ST14: variants seen among roughly 807,000 people sequenced by gnomAD.
The protein encoded by ST14 is ST14 transmembrane serine protease matriptase.
ST14 carries 40 observed loss-of-function variants against 96.5 expected under a neutral mutation model. The observed-to-expected ratio is 0.41, with a 90% confidence interval of 0.32 to 0.54. ST14 has a LOEUF of 0.54. Among genes scored for constraint, ST14 ranks in the 20% least tolerant of loss-of-function variants. ST14 has a pLI of 0.17. For synonymous variants in ST14, 506 were observed against 492.1 expected, an observed-to-expected ratio of 1.03 and a Z score of -0.37; for missense variants, 1,066 against 1,188.9, an observed-to-expected ratio of 0.90 and a Z score of 1.52.
At chr11:130,170,797 C>A (rs568376640) in intron 1 of ST14, among the ~76,000 whole-genome samples, 78 of 152,132 alleles carry the variant, frequency 5.1e-4, no homozygotes, top group South Asian at 1.2e-3. Flanking sequence ...CAGCAGGGGC[C>A]CGTCTCTTGG....
chr11:130,208,359 T>G (rs767423545), intron 16 of ST14, 51 bp from the exon 17 acceptor site: 5 of 1,613,166 alleles, frequency 3.1e-6, no homozygotes, highest in Admixed American at 1.7e-5. Context: ...CGCGAGGCCG[T>G]GTGCACAGAC....
Position 130,188,842 on chromosome 11 carries a change from T to C in ST14, c.370-27T>C, listed in dbSNP as rs760095884. 2.5e-6 allele frequency: 4 copies of C among 1,610,650 alleles called. No individual in the cohort carries two copies. Among genetic ancestry groups the C allele is most frequent in the Non-Finnish European group, 3.4e-6 (4 of 1,178,680 alleles). ...GGGCAGGGTCATCGCCGCATGGGGC[T>C]CACCTTGAGTCTCTGCCCTTCCTCA... On this transcript the variant is annotated intron_variant, in intron 3 of 18. Coordinates refer to ENST00000278742, the MANE Select transcript of ST14 (RefSeq NM_021978.4). The surrounding 1 kb of genome is among the most constrained non-coding windows in gnomAD (Gnocchi z 5.4).
At chr11:130,207,444 G>A (rs565168378) in intron 16 of ST14, among the ~76,000 whole-genome samples, 45 of 152,300 alleles carry the variant, frequency 3.0e-4, no homozygotes, top group African/African-American at 1.1e-3. Flanking sequence ...CCAGCTACTC[G>A]GGAGGCTGAG....
At chr11:130,172,775 T>C (rs1011971106) in intron 1 of ST14, among the ~76,000 whole-genome samples, 3 of 151,746 alleles carry the variant, frequency 2.0e-5, no homozygotes, top group Admixed American at 2.0e-4. Context: ...AGTGGAGGAG[T>C]GTGTATGTCC....
Position 130,181,473 on chromosome 11 carries a change from C to T in ST14, c.82-6641C>T, listed in dbSNP as rs979250599. The stretch of plus-strand genomic sequence containing the variant: ...GCAGACACACCTGGCTTCATAGCAC[C>T]GTTTTATGTGTGCACCTGCAAAGAT... On this transcript the variant is annotated intron_variant, in intron 1 of 18. Coordinates refer to ENST00000278742, the MANE Select transcript of ST14 (RefSeq NM_021978.4). This position sits in a 1 kb window ranked among gnomAD's most constrained non-coding sequence, Gnocchi z 4.1. Among the ~76,000 whole-genome samples the T allele has an allele frequency of 6.6e-6, 1 of 152,140 alleles. No homozygotes were observed. Among genetic ancestry groups the T allele is most frequent in the Non-Finnish European group, 1.5e-5 (1 of 68,034 alleles).
At chr11:130,190,267 C>A in intron 6 of ST14, 119 bp downstream of exon 6, 1 of 1,490,488 alleles carries the variant, frequency 6.7e-7, no homozygotes. Flanking sequence ...TTATGACGAT[C>A]TTTCCAGGCC....
At chr11:130,173,845 G>A (rs1953114375) in intron 1 of ST14, among the ~76,000 whole-genome samples, 1 of 152,088 alleles carries the variant, frequency 6.6e-6, no homozygotes, top group African/African-American at 2.4e-5. Flanking sequence ...AGAGCAGAAG[G>A]CCAGCCAGGG....
chr11:130,190,766 C>T (rs1189080841), intron 7 of ST14, 72 bp downstream of exon 7: 23 of 1,485,368 alleles, frequency 1.5e-5, no homozygotes, highest in Middle Eastern at 2.3e-4. Context: ...GCTTCTTCAA[C>T]GATTGGGATA....
Position 130,208,453 on chromosome 11 carries a change from G to T in ST14, c.2038G>T (p.Asp680Tyr). ...GTGGACGGCCTTCCTGGGCTTGCAC[G>T]ACCAGAGCCAGCGCAGCGCCCCTGG... ...TQWTAFLGLHDQSQRSAPGVQ... is the reference protein window; with the variant it reads ...TQWTAFLGLHYQSQRSAPGVQ... The change falls in exon 17 of 19, where the codon GAC (aspartate) becomes TAC (tyrosine). Residue 680 changes from aspartate to tyrosine, a missense_variant. Physicochemically the swap from Asp to Tyr is radical, Grantham distance 160 (BLOSUM62 -3). Transcript: ENST00000278742. The T allele has an allele frequency of 6.2e-7, 1 of 1,614,128 alleles. No homozygotes were observed. Among genetic ancestry groups the T allele is most frequent in the African/African-American group, 1.3e-5 (1 of 75,066 alleles).
rs756759067 is a variant in ST14, at chr11:130,188,896, T to C, written c.397T>C (p.Phe133Leu). The C allele has an allele frequency of 6.2e-7, 1 of 1,613,076 alleles. No homozygotes were observed. The highest frequency in any genetic ancestry group is 1.1e-5 in the South Asian group (1 of 90,692). Residue 133 changes from phenylalanine (F) to leucine (L), a missense_variant, in exon 4 of 19, where the codon TTC becomes CTC. By Grantham distance (22) the Phe-to-Leu change is conservative. Transcript: ENST00000278742. This position sits in a 1 kb window ranked among gnomAD's most constrained non-coding sequence, Gnocchi z 5.4. ...ALKLLYSGVP[F>L]LGPYHKESAV... ...GAAGCTGCTGTACAGCGGAGTCCCA[T>C]TCCTGGGCCCCTACCACAAGGAGTC...
At chr11:130,198,090 C>T in intron 12 of ST14, 145 bp downstream of exon 12, 3 of 912,478 alleles carry the variant, frequency 3.3e-6, no homozygotes, top group Non-Finnish European at 5.1e-6. Flanking sequence ...ACCTCTGGCC[C>T]CACTCCCCAC....
chr11:130,208,742 G>T, intron 17 of ST14, 58 bp downstream of exon 17: 1 of 1,558,814 alleles, frequency 6.4e-7, no homozygotes, highest in Non-Finnish European at 8.7e-7. Context: ...CTCCAAGGCC[G>T]TGTTTCCTCT....
chr11:130,181,541 G>A lies in ST14; in HGVS notation c.82-6573G>A, dbSNP rs113394574. Among the ~76,000 whole-genome samples the A allele has an allele frequency of 1.3e-5, 2 of 152,322 alleles. No homozygotes were observed. The highest frequency in any genetic ancestry group is 2.4e-5 in the African/African-American group (1 of 41,564). Reference sequence around the variant, plus strand: ...AGAGACAGGAGAAGTGAAAGCAGGCGCAGGCATAGGATCTCTCCTGTCGGC... The same window carrying A: ...AGAGACAGGAGAAGTGAAAGCAGGCACAGGCATAGGATCTCTCCTGTCGGC... On this transcript the variant is annotated intron_variant, in intron 1 of 18. Coordinates refer to ENST00000278742, the MANE Select transcript of ST14 (RefSeq NM_021978.4). The surrounding 1 kb of genome is among the most constrained non-coding windows in gnomAD (Gnocchi z 4.1).
rs556897644 is a variant in ST14 at position 130,179,815 on chromosome 11, G to A, written c.82-8299G>A. 2.2e-3 allele frequency among the ~76,000 whole-genome samples: 332 copies of A among 152,304 alleles called. 1 individual carries two copies. The highest frequency in any genetic ancestry group is 3.5e-3 in the Non-Finnish European group (239 of 68,026). On this transcript the variant is annotated intron_variant, in intron 1 of 18. Coordinates refer to ENST00000278742, the MANE Select transcript of ST14 (RefSeq NM_021978.4). Reference sequence around the variant, plus strand: ...CTGTCATCTCAGGTGGGCTTGAGCCGTGCTGGGTTTCCGGGAAATCTGGCC... The same window carrying A: ...CTGTCATCTCAGGTGGGCTTGAGCCATGCTGGGTTTCCGGGAAATCTGGCC...
At position 130,188,687 on chromosome 11, in the gene ST14, G is replaced by C. The variant is rs766917274; in HGVS notation, c.369+30G>C. On this transcript the variant is annotated intron_variant, in intron 3 of 18. Transcript: ENST00000278742. The surrounding 1 kb of genome is among the most constrained non-coding windows in gnomAD (Gnocchi z 5.4). ...GTGCAGCCTGCCCAGAGTCCTGCTG[G>C]GCTGTGTGCGCTGGTGTCCCACCTG... The C allele has an allele frequency of 1.2e-6, 2 of 1,613,774 alleles. No individual in the cohort carries two copies. The highest frequency in any genetic ancestry group is 1.7e-5 in the Admixed American group (1 of 60,012).
intron 1 of ST14, among the ~76,000 whole-genome samples, chr11:130,182,860 A>C (rs1264356443): frequency 1.3e-5 from 2 of 151,712 alleles, no homozygotes; most frequent in Non-Finnish European, 2.9e-5. Flanking sequence ...CATGTTGGCC[A>C]GGCTGGTCTC....
In ST14 at chr11:130,194,194, C is replaced by T; in HGVS notation, c.921C>T (p.Ser307=). 3 of 1,614,244 alleles carry T rather than the reference C, an allele frequency of 1.9e-6. No individual in the cohort carries two copies. Among genetic ancestry groups the T allele is most frequent in the Non-Finnish European group, 2.5e-6 (3 of 1,180,042 alleles). ...YPPSYNLTFH[S]SQNVLLITLI... The stretch of plus-strand genomic sequence containing the variant: ...CCTCCTACAACCTGACCTTCCACTC[C>T]TCCCAGAACGTCCTGCTCATCACAC... The change falls in exon 8 of 19, where the codon TCC becomes TCT. Residue 307 remains serine, a synonymous_variant. Transcript: ENST00000278742.
intron 16 of ST14, among the ~76,000 whole-genome samples, chr11:130,201,727 A>C (rs1953430635): frequency 6.6e-6 from 1 of 152,212 alleles, no homozygotes; most frequent in Non-Finnish European, 1.5e-5. Flanking sequence ...CTACAGGCAC[A>C]TGCCACCATG....
intron 16 of ST14, among the ~76,000 whole-genome samples, chr11:130,202,007 C>T (rs1953434069): frequency 6.6e-6 from 1 of 152,184 alleles, no homozygotes; most frequent in Non-Finnish European, 1.5e-5. Context: ...CCCAGCCCAG[C>T]CCTAGGACCA....
Sources: gnomAD v4.1 joint callset for allele counts (sites outside exome capture counted in the v4.1 genomes callset) on GRCh38, gnomAD v4.1.1 for gene constraint, Gnocchi (gnomAD v3.1) non-coding constraint, MANE v1.5 for transcripts, NCBI Gene and HGNC (gene_info 2026-07-23, HGNC 2026-07-21) for gene names.